MAPK10: variants seen among roughly 807,000 people sequenced by gnomAD.
MAPK10 encodes mitogen-activated protein kinase 10.
Under a neutral mutation model 59.3 loss-of-function variants are expected in MAPK10, and 25 were observed. The observed-to-expected ratio is 0.42, with a 90% confidence interval of 0.31 to 0.59. The LOEUF (loss-of-function observed/expected upper bound fraction) is 0.59, where lower values mean the gene tolerates loss of function less well. MAPK10 is among the 20% of genes least tolerant of loss of function. The pLI is 0.15. For missense variants in MAPK10, 351 were observed against 568.9 expected (o/e 0.62, Z 3.90); for synonymous variants, 190 against 200.5 (o/e 0.95, Z 0.44).
At chr4:86,139,264 A>C (rs541459975) in intron 4 of MAPK10, among the ~76,000 whole-genome samples, 1,585 of 143,034 alleles carry the variant, frequency 0.011, 49 homozygotes, top group African/African-American at 0.044. Context: ...GAGGCATCAC[A>C]CTACCTAACT....
chr4:86,349,108 A>C (rs1729791187), intron 2 of MAPK10, among the ~76,000 whole-genome samples: 1 of 152,240 alleles, frequency 6.6e-6, no homozygotes, highest in Admixed American at 6.5e-5. Flanking sequence ...AATTTACTTA[A>C]TAACAATCAT....
At chr4:86,571,174 T>TA (rs1440471179) in intron 1 of MAPK10, among the ~76,000 whole-genome samples, 1 of 151,316 alleles carries the variant, frequency 6.6e-6, no homozygotes, top group Non-Finnish European at 1.5e-5. Flanking sequence ...AGATACTTAA[T>TA]AAAATACTTA....
intron 1 of MAPK10, among the ~76,000 whole-genome samples, chr4:86,422,806 G>A (rs1746709887): frequency 6.6e-6 from 1 of 152,192 alleles, no homozygotes; most frequent in Non-Finnish European, 1.5e-5. Flanking sequence ...CTATCGAAAT[G>A]AGAACAGCCT....
chr4:86,530,798 G>A (rs1360160665), intron 1 of MAPK10, among the ~76,000 whole-genome samples: 1 of 152,054 alleles, frequency 6.6e-6, no homozygotes, highest in East Asian at 1.9e-4. Context: ...TGAATTTGGG[G>A]GAAATACAAA....
rs372581208 is a variant in MAPK10 at position 86,440,121 on chromosome 4, A to G, written c.-122+12909T>C. 3.9e-5 allele frequency among the ~76,000 whole-genome samples: 6 copies of G among 152,328 alleles called. No homozygotes were observed. In the South Asian group the frequency reaches 6.2e-4, roughly 16 times the overall value. ...CAGGCACTAAACAACCAGAGTAGAC[A>G]CAAGATATAGACTATATGTGTCTCT... On this transcript the variant is annotated intron_variant, in intron 1 of 13. Coordinates refer to the MAPK10 transcript ENST00000361569.
intron 3 of MAPK10, among the ~76,000 whole-genome samples, chr4:86,181,781 A>G (rs1378712308): frequency 3.9e-5 from 6 of 152,136 alleles, no homozygotes; most frequent in Non-Finnish European, 8.8e-5. Context: ...TAAACTTAGT[A>G]GTAATGCACA....
intron 2 of MAPK10, among the ~76,000 whole-genome samples, chr4:86,320,228 C>T (rs2095862997): frequency 6.6e-6 from 1 of 152,150 alleles, no homozygotes; most frequent in Non-Finnish European, 1.5e-5. Context: ...TTAACATGGT[C>T]TTTAATTTGA....
intron 11 of MAPK10, among the ~76,000 whole-genome samples, chr4:86,058,616 G>T (rs2045108574): frequency 6.7e-6 from 1 of 149,560 alleles, no homozygotes; most frequent in Admixed American, 6.6e-5. Context: ...GTTGGTAGTG[G>T]CTTCCCATTT....
At chr4:86,370,670 C>T (rs1334524256) in intron 1 of MAPK10, 2 of 152,030 alleles carry the variant, frequency 1.3e-5, no homozygotes, top group East Asian at 1.9e-4. Flanking sequence ...AACCTCAACA[C>T]AGTCATGCAA....
chr4:86,322,943 G>A (rs987571156), intron 2 of MAPK10, among the ~76,000 whole-genome samples: 1 of 152,332 alleles, frequency 6.6e-6, no homozygotes, highest in Non-Finnish European at 1.5e-5. Flanking sequence ...GGGAGGCCAA[G>A]GCGGGAGGAT....
intron 1 of MAPK10, among the ~76,000 whole-genome samples, chr4:86,446,319 T>C (rs1750033871): frequency 6.6e-6 from 1 of 152,220 alleles, no homozygotes; most frequent in African/African-American, 2.4e-5. Context: ...TAGGTATCAG[T>C]TGCCAAGCAT....
At chr4:86,234,991 C>G (rs568406178) in intron 2 of MAPK10, among the ~76,000 whole-genome samples, 13 of 152,092 alleles carry the variant, frequency 8.5e-5, no homozygotes, top group African/African-American at 3.1e-4. Context: ...CAGATCATCT[C>G]TCCTTTACCC....
intron 1 of MAPK10, among the ~76,000 whole-genome samples, chr4:86,461,438 G>T (rs1042105372): frequency 2.6e-5 from 4 of 152,200 alleles, no homozygotes; most frequent in African/African-American, 9.7e-5. Context: ...ATCAAGGCCG[G>T]GTGTGGTGGC....
chr4:86,014,303 G>GTTGTGT lies in MAPK10; in HGVS notation c.*2924_*2925insACACAA, dbSNP rs1553900779. 3.5e-5 allele frequency: 5 copies of GTTGTGT among 143,992 alleles called. No individual in the cohort carries two copies. Among genetic ancestry groups the GTTGTGT allele is most frequent in the African/African-American group, 1.3e-4 (5 of 38,532 alleles). 8.9% of individuals were successfully genotyped at this position (143,992 alleles called of 1,614,324 possible). On this transcript the variant is annotated 3_prime_UTR_variant, in exon 14 of 14. Coordinates refer to ENST00000641462, the MANE Select transcript of MAPK10 (RefSeq NM_138982.4). Reference sequence around the variant, plus strand: ...AGGTGACTATTTAAGAAATATTTGGGGTGTGTGTGTGTGTGTGTGTGTGTG... The same window carrying GTTGTGT: ...AGGTGACTATTTAAGAAATATTTGGGTTGTGTGTGTGTGTGTGTGTGTGTGTGTGTG...
chr4:86,345,753 T>C (rs1727777313), intron 2 of MAPK10, among the ~76,000 whole-genome samples: 1 of 152,250 alleles, frequency 6.6e-6, no homozygotes, highest in Admixed American at 6.5e-5. Context: ...CACCCCGCTC[T>C]AGACAATTCT....
intron 2 of MAPK10, among the ~76,000 whole-genome samples, chr4:86,200,312 T>C (rs1052990008): frequency 6.6e-6 from 1 of 152,016 alleles, no homozygotes; most frequent in Non-Finnish European, 1.5e-5. Context: ...GAAAACCCCA[T>C]GTGCCTTTTT....
chr4:86,171,787 G>A (rs1043390000), intron 3 of MAPK10, among the ~76,000 whole-genome samples: 5 of 151,116 alleles, frequency 3.3e-5, no homozygotes, highest in Admixed American at 3.3e-4. Flanking sequence ...AGAGTGAACA[G>A]GCAACCTACA....
chr4:86,021,314 C>T lies in MAPK10; in HGVS notation c.1253-3944G>A, dbSNP rs551150329. ...TAGATACAGAGTGTCGATTGGTGCACTCACAAACCCTGAGCTAGACACAGA... is the reference window on the plus strand; with the variant it reads ...TAGATACAGAGTGTCGATTGGTGCATTCACAAACCCTGAGCTAGACACAGA... On this transcript the variant is annotated intron_variant, in intron 13 of 13. Transcript: ENST00000641462. 9.3e-5 allele frequency among the ~76,000 whole-genome samples: 14 copies of T among 150,166 alleles called. No homozygotes were observed. In the East Asian group the frequency reaches 2.3e-3, roughly 25 times the overall value.
chr4:86,454,323 G>T (rs893427929), upstream of MAPK10, among the ~76,000 whole-genome samples: 2 of 152,158 alleles, frequency 1.3e-5, no homozygotes, highest in African/African-American at 4.8e-5. Context: ...AATCAGGAAG[G>T]CACCTGAGAA....
Sources: gnomAD v4.1 joint callset for allele counts (sites outside exome capture counted in the v4.1 genomes callset) on GRCh38, gnomAD v4.1.1 for gene constraint, MANE v1.5 for transcripts, NCBI Gene and HGNC (gene_info 2026-07-23, HGNC 2026-07-21) for gene names.